DNAH8: variants seen among roughly 807,000 people sequenced by gnomAD.
DNAH8 encodes the protein axonemal beta dynein heavy chain 8.
A neutral mutation model predicts 562.1 loss-of-function variants in DNAH8; 382 were observed. The observed-to-expected ratio is 0.68, with a 90% CI of 0.63 to 0.74. DNAH8 has a LOEUF of 0.74. Among genes scored for constraint, DNAH8 ranks in the 30% least tolerant of loss-of-function variants. The probability of loss-of-function intolerance (pLI) is 0.00; values close to 1 mark genes in which losing one functional copy is unlikely to be tolerated. For missense variants in DNAH8, 5,203 were observed against 5,620.4 expected (o/e 0.93, Z 2.37); for synonymous variants, 1,881 against 1,919.4 (o/e 0.98, Z 0.52).
Position 38,940,137 on chromosome 6 carries a change from TG to T in DNAH8, c.12007+1151del, listed in dbSNP as rs376178534. Among the ~76,000 whole-genome samples the T allele has an allele frequency of 3.2e-4, 48 of 152,270 alleles. No individual in the cohort carries two copies. In the East Asian group the frequency reaches 9.1e-3, roughly 29 times the overall value. On this transcript the variant is annotated intron_variant, in intron 79 of 92. Transcript: ENST00000327475. ...TTATGGTCATTTAGGGAGGTGAACTTGGCACACGTGTAAGGATCAAAGAAAA... is the reference window on the plus strand; with the variant it reads ...TTATGGTCATTTAGGGAGGTGAACTTGCACACGTGTAAGGATCAAAGAAAA...
intron 41 of DNAH8, among the ~76,000 whole-genome samples, chr6:38,855,126 TCTAA>T (rs918622239): frequency 5.3e-4 from 80 of 151,816 alleles, no homozygotes; most frequent in African/African-American, 1.1e-3. Context: ...GACTGAAATC[TCTAA>T]CTATCAAGTT....
chr6:38,823,540 A>G (rs1773060663), intron 27 of DNAH8, 22 bp from the exon 28 acceptor site: 1 of 1,566,978 alleles, frequency 6.4e-7, no homozygotes, highest in African/African-American at 1.4e-5. Context: ...AAATTAAAAT[A>G]TTGACTATTT....
intron 89 of DNAH8, among the ~76,000 whole-genome samples, chr6:39,009,511 G>A (rs1766039594): frequency 6.6e-6 from 1 of 152,150 alleles, no homozygotes; most frequent in Non-Finnish European, 1.5e-5. Flanking sequence ...CCAATCTGAA[G>A]TCTTCTAAGA....
chr6:38,771,946 A>T (rs545334536), intron 12 of DNAH8, among the ~76,000 whole-genome samples: 3 of 151,942 alleles, frequency 2.0e-5, no homozygotes, highest in Admixed American at 6.6e-5. Flanking sequence ...TCCATGTTTA[A>T]CTTTTTGTTG....
intron 12 of DNAH8, among the ~76,000 whole-genome samples, chr6:38,774,327 T>C (rs906292109): frequency 7.9e-5 from 12 of 151,998 alleles, no homozygotes; most frequent in African/African-American, 2.9e-4. Context: ...GATGAGGGAA[T>C]CACAGCAAGT....
chr6:39,012,431 A>G lies in DNAH8; in HGVS notation c.13525-17A>G. On this transcript the variant is annotated splice_polypyrimidine_tract_variant and intron_variant, in intron 90 of 92. Coordinates refer to ENST00000327475, the MANE Select transcript of DNAH8 (RefSeq NM_001206927.2). ...TTGATGTTTCTTATTCATGTGTTTT[A>G]ACTTTTTCTTCTCCAGAATCTGAGA... 6.2e-7 allele frequency: 1 copy of G among 1,610,278 alleles called. No homozygotes were observed. Among genetic ancestry groups the G allele is most frequent in the Non-Finnish European group, 8.5e-7 (1 of 1,177,068 alleles).
chr6:39,019,301 G>A (rs1766754983), intron 91 of DNAH8, among the ~76,000 whole-genome samples: 2 of 152,184 alleles, frequency 1.3e-5, no homozygotes, highest in African/African-American at 4.8e-5. Context: ...GATGCTTATG[G>A]TGATGGAGCA....
At position 38,741,726 on chromosome 6, in the gene DNAH8, G is replaced by T; in HGVS notation, c.1132G>T (p.Glu378Ter). The T allele has an allele frequency of 1.2e-6, 2 of 1,612,692 alleles. No homozygotes were observed. The highest frequency in any genetic ancestry group is 2.2e-5 in the South Asian group (2 of 90,684). ...TTGACTGCAGGTACTTATTGAGAGTGAGCAGATGAGAAAAGAAGCTGGTGA... is the reference window on the plus strand; with the variant it reads ...TTGACTGCAGGTACTTATTGAGAGTTAGCAGATGAGAAAAGAAGCTGGTGA... ...KQIEQVLIES[E>*]QMRKEAGDSG... Residue 378 changes from glutamate to a stop codon, truncating the protein, a stop_gained, in exon 8 of 93, where the codon GAG becomes TAG. Transcript: ENST00000327475. LOFTEE classifies it high-confidence loss of function.
chr6:38,778,495 C>T (rs752701255), intron 14 of DNAH8, 31 bp downstream of exon 14: 2 of 1,255,352 alleles, frequency 1.6e-6, no homozygotes, highest in South Asian at 1.3e-5. Flanking sequence ...AGAGTAGTTT[C>T]TGGGGGGAAT....
At chr6:38,791,801 A>G (rs2127657900) in intron 21 of DNAH8, 127 bp downstream of exon 21, 2 of 918,902 alleles carry the variant, frequency 2.2e-6, no homozygotes, top group Non-Finnish European at 3.2e-6. Flanking sequence ...GTTTTTTGTG[A>G]ACATTCTCTG....
chr6:38,988,523 C>T (rs1387538621), intron 87 of DNAH8, among the ~76,000 whole-genome samples: 1 of 152,144 alleles, frequency 6.6e-6, no homozygotes, highest in East Asian at 1.9e-4. Context: ...AAGTAATGAC[C>T]ATGCTCATAA....
At chr6:38,965,596 T>C (rs1019709520) in intron 82 of DNAH8, among the ~76,000 whole-genome samples, 1 of 152,212 alleles carries the variant, frequency 6.6e-6, no homozygotes, top group African/African-American at 2.4e-5. Flanking sequence ...GCAGTCAAAA[T>C]TTTACTAAAG....
Position 39,030,697 on chromosome 6 carries a change from G to C in DNAH8, c.*305G>C, listed in dbSNP as rs763230413. ...AGCTCTGAATTTTAAAAATTTGAAA[G>C]TGTTGATATGTGACATCCTAAAAAG... On this transcript the variant is annotated 3_prime_UTR_variant, in exon 93 of 93. Coordinates refer to ENST00000327475, the MANE Select transcript of DNAH8 (RefSeq NM_001206927.2). Among the ~76,000 whole-genome samples the C allele has an allele frequency of 6.6e-6, 1 of 152,312 alleles. No homozygotes were observed. Among genetic ancestry groups the C allele is most frequent in the East Asian group, 1.9e-4 (1 of 5,188 alleles).
chr6:38,723,301 G>C (rs776889847), intron 2 of DNAH8, 36 bp from the exon 3 acceptor site: 5 of 1,581,228 alleles, frequency 3.2e-6, no homozygotes, highest in Admixed American at 1.9e-5. Context: ...TTTTTCTTCA[G>C]AATTGCAATT....
At chr6:38,921,537 G>T in intron 71 of DNAH8, 31 bp downstream of exon 71, 1 of 1,601,870 alleles carries the variant, frequency 6.2e-7, no homozygotes, top group East Asian at 2.3e-5. Context: ...TCCCCAAAAT[G>T]GTGTACTGAA....
In DNAH8 at chr6:38,715,919, TAA is replaced by T. The variant is rs1491587987; in HGVS notation, c.-35+506_-35+507del. Among the ~76,000 whole-genome samples the T allele has an allele frequency of 1.3e-3, 57 of 43,584 alleles. 2 individuals carry two copies. The highest frequency in any genetic ancestry group is 8.1e-3 in the African/African-American group (50 of 6,188). 28.6% of individuals were successfully genotyped at this position (43,584 alleles called of 152,430 possible). A position where few individuals can be genotyped will look rare whatever the true frequency, so the allele number is the denominator to read the frequency against. On this transcript the variant is annotated intron_variant, in intron 1 of 92. Coordinates refer to ENST00000327475, the MANE Select transcript of DNAH8 (RefSeq NM_001206927.2). ...AAAGCTATTAAAATAAATAAATAAA[TAA>T]ATAAATATATATATATATATATATA...
At chr6:39,018,345 C>G (rs2150784219) in intron 91 of DNAH8, among the ~76,000 whole-genome samples, 1 of 152,282 alleles carries the variant, frequency 6.6e-6, no homozygotes, top group Non-Finnish European at 1.5e-5. Context: ...TAACGACCTC[C>G]CTGATGACAT....
intron 58 of DNAH8, among the ~76,000 whole-genome samples, 173 bp from the exon 59 acceptor site, chr6:38,894,528 G>A (rs1219068397): frequency 1.3e-5 from 2 of 152,002 alleles, no homozygotes; most frequent in Non-Finnish European, 2.9e-5. Flanking sequence ...ATCCTAAGTT[G>A]GTTTATTTAT....
chr6:38,814,484 G>A (rs1772071964), intron 25 of DNAH8, among the ~76,000 whole-genome samples: 1 of 152,150 alleles, frequency 6.6e-6, no homozygotes, highest in African/African-American at 2.4e-5. Flanking sequence ...GGGAGGCTGA[G>A]GCAGGAGAAT....
Sources: allele counts gnomAD v4.1 joint callset (sites outside exome capture counted in the v4.1 genomes callset), GRCh38; gene constraint gnomAD v4.1.1; transcripts MANE v1.5; gene names NCBI Gene and HGNC (gene_info 2026-07-23, HGNC 2026-07-21).